MAGI2: variants seen among roughly 807,000 people sequenced by gnomAD.
MAGI2 encodes membrane associated guanylate kinase, WW and PDZ domain containing 2, also known as membrane-associated guanylate kinase, WW and PDZ domain-containing protein 2.
MAGI2 carries 35 observed loss-of-function variants against 133.3 expected under a neutral mutation model. The ratio of observed to expected loss-of-function variants is 0.26; its 90% CI spans 0.20 to 0.35. The LOEUF (loss-of-function observed/expected upper bound fraction) is 0.35. MAGI2 is among the 10% of genes least tolerant of loss of function. The pLI is 1.00. For missense variants in MAGI2, 1,636 were observed against 1,863.4 expected (o/e 0.88, Z 2.25); for synonymous variants, 729 against 710.6 (o/e 1.03, Z -0.41).
intron 2 of MAGI2, among the ~76,000 whole-genome samples, chr7:78,912,520 G>T (rs921631275): frequency 6.6e-5 from 10 of 151,856 alleles, no homozygotes; most frequent in African/African-American, 2.4e-4. Flanking sequence ...ATATAAGCAG[G>T]CAGAAAAATG....
intron 3 of MAGI2, among the ~76,000 whole-genome samples, chr7:78,527,489 C>A (rs1797078665): frequency 6.6e-6 from 1 of 152,164 alleles, no homozygotes; most frequent in Non-Finnish European, 1.5e-5. Context: ...GAAACGATTT[C>A]AACGAATTTA....
intron 3 of MAGI2, among the ~76,000 whole-genome samples, chr7:78,592,968 G>A (rs1413584213): frequency 6.6e-6 from 1 of 150,906 alleles, no homozygotes; most frequent in Non-Finnish European, 1.5e-5. Flanking sequence ...GCGAGTAGCT[G>A]GATCACAGGT....
Position 78,343,863 on chromosome 7 carries a change from A to C in MAGI2, c.1323T>G (p.Ile441Met). 1 of 1,613,568 alleles carries C rather than the reference A, an allele frequency of 6.2e-7. No individual in the cohort carries two copies. The highest frequency in any genetic ancestry group is 8.5e-7 in the Non-Finnish European group (1 of 1,179,790). Reference protein sequence around the residue: ...KSNMGFGFTIIGGDEPDEFLQ... With the variant: ...KSNMGFGFTIMGGDEPDEFLQ... Reference sequence around the variant, plus strand: ...GAAACTCATCAGGCTCGTCTCCACCAATGATGGTAAATCCAAAGCCCATGT... The same window carrying C: ...GAAACTCATCAGGCTCGTCTCCACCCATGATGGTAAATCCAAAGCCCATGT... The change falls in exon 9 of 22, where the codon ATT becomes ATG. Residue 441 changes from isoleucine to methionine, a missense_variant. Around this residue, in one of 5 missense-constraint regions of MAGI2, gnomAD observed 920 missense variants for 1,093.5 expected, o/e 0.84. Coordinates refer to ENST00000354212, the MANE Select transcript of MAGI2 (RefSeq NM_012301.4).
At chr7:78,048,009 G>C (rs1311826729) in intron 21 of MAGI2, among the ~76,000 whole-genome samples, 1 of 152,230 alleles carries the variant, frequency 6.6e-6, no homozygotes, top group Non-Finnish European at 1.5e-5. Flanking sequence ...TTTACTTGCT[G>C]ATAGGATTGT....
rs192838234 is a variant in MAGI2 at position 78,997,214 on chromosome 7, C to G, written c.418+9876G>C. 2.8e-3 allele frequency among the ~76,000 whole-genome samples: 420 copies of G among 152,214 alleles called. 2 individuals carry two copies. The highest frequency in any genetic ancestry group is 4.8e-3 in the Admixed American group (74 of 15,276). On this transcript the variant is annotated intron_variant, in intron 2 of 21. Coordinates refer to ENST00000354212, the MANE Select transcript of MAGI2 (RefSeq NM_012301.4). ...TTGCCGATTTTGCATGCAGAAAAAG[C>G]AACTTTCTTGCCTTTAAGTAGAAAA...
chr7:79,328,304 A>G (rs1323097936), intron 1 of MAGI2, among the ~76,000 whole-genome samples: 1 of 152,118 alleles, frequency 6.6e-6, no homozygotes, highest in Non-Finnish European at 1.5e-5. Flanking sequence ...CTTTCCTGTA[A>G]TATCAAGAAT....
intron 6 of MAGI2, among the ~76,000 whole-genome samples, chr7:78,445,603 A>G (rs2151469650): frequency 6.6e-6 from 1 of 152,160 alleles, no homozygotes; most frequent in South Asian, 2.1e-4. Context: ...TGCTACCACA[A>G]AAGTTTAGGT....
chr7:79,228,384 T>C (rs527317538), intron 1 of MAGI2, among the ~76,000 whole-genome samples: 1 of 48,024 alleles, frequency 2.1e-5, no homozygotes, highest in Non-Finnish European at 6.2e-5. Context: ...CGTGGGATTG[T>C]CTTGTCTTGA....
chr7:78,182,821 T>C (rs980698392), intron 13 of MAGI2, among the ~76,000 whole-genome samples: 1 of 152,232 alleles, frequency 6.6e-6, no homozygotes, highest in African/African-American at 2.4e-5. Context: ...ATTTCCTGGC[T>C]CTCTTATTTT....
intron 11 of MAGI2, among the ~76,000 whole-genome samples, chr7:78,197,233 T>C (rs1828821932): frequency 6.6e-6 from 1 of 152,204 alleles, no homozygotes; most frequent in Non-Finnish European, 1.5e-5. Flanking sequence ...TAAAGGCATA[T>C]CCTCGGTAAT....
At chr7:78,074,632 T>C (rs1815080363) in intron 21 of MAGI2, among the ~76,000 whole-genome samples, 1 of 152,248 alleles carries the variant, frequency 6.6e-6, no homozygotes, top group Admixed American at 6.5e-5. Flanking sequence ...TTGTTATTGT[T>C]GCTATTATTT....
chr7:79,245,984 G>A (rs1226115745), intron 1 of MAGI2, among the ~76,000 whole-genome samples: 1 of 152,160 alleles, frequency 6.6e-6, no homozygotes, highest in Non-Finnish European at 1.5e-5. Context: ...GCGTCTGCAT[G>A]GTAATCCAGA....
At chr7:79,418,069 T>C (rs1846667947) in intron 1 of MAGI2, among the ~76,000 whole-genome samples, 1 of 152,106 alleles carries the variant, frequency 6.6e-6, no homozygotes, top group Non-Finnish European at 1.5e-5. Context: ...TTTCAGTAAG[T>C]ACCAGATGCA....
intron 2 of MAGI2, among the ~76,000 whole-genome samples, chr7:78,899,146 C>A (rs908651390): frequency 2.6e-5 from 4 of 152,098 alleles, no homozygotes; most frequent in African/African-American, 9.7e-5. Context: ...AAACAAGACA[C>A]TTCTCCATGA....
intron 2 of MAGI2, among the ~76,000 whole-genome samples, chr7:78,666,654 C>T (rs909395772): frequency 4.6e-5 from 7 of 152,168 alleles, no homozygotes; most frequent in African/African-American, 1.7e-4. Context: ...CTGGTAGCTT[C>T]ACAGGGATCA....
intron 2 of MAGI2, among the ~76,000 whole-genome samples, chr7:78,657,188 A>C (rs1472388688): frequency 6.6e-6 from 1 of 152,200 alleles, no homozygotes; most frequent in Non-Finnish European, 1.5e-5. Flanking sequence ...AAATGCTGCA[A>C]GGATGTGGAG....
At chr7:78,648,652 T>C (rs1488707593) in intron 2 of MAGI2, among the ~76,000 whole-genome samples, 1 of 152,160 alleles carries the variant, frequency 6.6e-6, no homozygotes, top group Non-Finnish European at 1.5e-5. Context: ...TATCCAAGAG[T>C]TGCTTTTTCA....
chr7:79,151,503 C>T (rs1392466899), intron 1 of MAGI2, among the ~76,000 whole-genome samples: 2 of 152,126 alleles, frequency 1.3e-5, no homozygotes, highest in Admixed American at 6.5e-5. Context: ...TCCCTGAGGG[C>T]ACACAGGGAG....
intron 6 of MAGI2, among the ~76,000 whole-genome samples, chr7:78,410,217 A>G (rs1397790979): frequency 6.6e-6 from 1 of 152,106 alleles, no homozygotes; most frequent in East Asian, 1.9e-4. Context: ...ATTGAAATAT[A>G]GGAAATAGTT....
Sources: allele counts gnomAD v4.1 joint callset (sites outside exome capture counted in the v4.1 genomes callset), GRCh38; gene constraint gnomAD v4.1.1; regional missense constraint gnomAD v4.1.1; transcripts MANE v1.5; gene names NCBI Gene and HGNC (gene_info 2026-07-23, HGNC 2026-07-21).